PARD3B: variants seen among roughly 807,000 people sequenced by gnomAD.
PARD3B encodes par-3 family cell polarity regulator beta.
PARD3B carries 103 observed loss-of-function variants against 130.2 expected under a neutral mutation model. The observed-to-expected ratio is 0.79, with a 90% CI of 0.67 to 0.93. PARD3B has a LOEUF of 0.93. Among genes scored for constraint, PARD3B ranks in the 40% least tolerant of loss-of-function variants. PARD3B has a pLI of 0.00. For missense variants in PARD3B, 1,609 were observed against 1,499.2 expected (o/e 1.07, Z -1.21); for synonymous variants, 583 against 553.2 (o/e 1.05, Z -0.76).
At chr2:204,577,495 T>C (rs1040548103) in intron 1 of PARD3B, among the ~76,000 whole-genome samples, 2 of 152,220 alleles carry the variant, frequency 1.3e-5, no homozygotes, top group Non-Finnish European at 2.9e-5. Context: ...AATGGGGATT[T>C]GAACTGGGTC....
intron 3 of PARD3B, among the ~76,000 whole-genome samples, chr2:205,025,062 A>T (rs780705935): frequency 3.9e-5 from 6 of 152,240 alleles, no homozygotes; most frequent in South Asian, 2.1e-4. Context: ...AGCGGCACTA[A>T]AAAGGGCTGC....
rs544293031 is a variant in PARD3B, at chr2:204,958,697, C to G, written c.223-6455C>G. 6.6e-5 allele frequency among the ~76,000 whole-genome samples: 10 copies of G among 152,298 alleles called. No homozygotes were observed. The South Asian group carries it at 1.0e-3, about 16-fold the overall frequency. On this transcript the variant is annotated intron_variant, in intron 2 of 22. Coordinates refer to ENST00000406610, the MANE Select transcript of PARD3B (RefSeq NM_001302769.2). ...TTAACCTTTCATTGTGTGCCAGCCT[C>G]TATGCTCAGCATTTGGGCATGTTAG...
At chr2:204,935,978 C>T (rs1688422405) in intron 2 of PARD3B, among the ~76,000 whole-genome samples, 1 of 152,190 alleles carries the variant, frequency 6.6e-6, no homozygotes. Context: ...ACATTGTGTA[C>T]TAGGTTCTGG....
chr2:205,251,356 C>T (rs1383074376), intron 16 of PARD3B, among the ~76,000 whole-genome samples: 3 of 152,094 alleles, frequency 2.0e-5, no homozygotes, highest in Non-Finnish European at 1.5e-5. Context: ...CAAAGGCACA[C>T]GTGCAGGTGT....
intron 18 of PARD3B, among the ~76,000 whole-genome samples, chr2:205,326,100 G>T (rs750775113): frequency 3.3e-5 from 5 of 152,190 alleles, no homozygotes; most frequent in Admixed American, 6.5e-5. Context: ...TACTAACTCT[G>T]AGAGGATAAC....
At chr2:204,712,482 G>T (rs2038495696) in intron 2 of PARD3B, among the ~76,000 whole-genome samples, 1 of 151,582 alleles carries the variant, frequency 6.6e-6, no homozygotes, top group Admixed American at 6.6e-5. Context: ...GTGGTGGCAG[G>T]CCAGGCCTAT....
chr2:205,569,340 A>G (rs2053479337), intron 22 of PARD3B, among the ~76,000 whole-genome samples: 1 of 152,194 alleles, frequency 6.6e-6, no homozygotes, highest in Non-Finnish European at 1.5e-5. Flanking sequence ...ATGGTAATAT[A>G]AATCTATAAT....
chr2:205,224,681 T>A (rs2038447781), intron 15 of PARD3B, among the ~76,000 whole-genome samples: 1 of 151,948 alleles, frequency 6.6e-6, no homozygotes, highest in African/African-American at 2.4e-5. Context: ...AAAGTTTGCC[T>A]TTCTGTGCCT....
Position 204,956,746 on chromosome 2 carries a change from T to C in PARD3B, c.223-8406T>C, listed in dbSNP as rs1176380250. 1.3e-4 allele frequency among the ~76,000 whole-genome samples: 20 copies of C among 152,310 alleles called. No homozygotes were observed. The East Asian group carries it at 3.5e-3, about 26-fold the overall frequency. Reference sequence around the variant, plus strand: ...TTAACTCAAGTTTTTTATTTCCACCTTTGCATGTGTCTGGTTTTTTAAATT... The same window carrying C: ...TTAACTCAAGTTTTTTATTTCCACCCTTGCATGTGTCTGGTTTTTTAAATT... On this transcript the variant is annotated intron_variant, in intron 2 of 22. Transcript: ENST00000406610.
At chr2:205,119,702 A>T (rs979833926) in intron 7 of PARD3B, among the ~76,000 whole-genome samples, 2 of 152,014 alleles carry the variant, frequency 1.3e-5, no homozygotes, top group Admixed American at 1.3e-4. Flanking sequence ...GAATCGCTTG[A>T]ACCTGGGGGA....
At position 205,279,143 on chromosome 2, in the gene PARD3B, C is replaced by G. The variant is rs2041092320; in HGVS notation, c.2186-21387C>G. Among the ~76,000 whole-genome samples, 3 of 147,852 alleles carry G rather than the reference C, an allele frequency of 2.0e-5. No individual in the cohort carries two copies. The South Asian group carries it at 6.6e-4, about 33-fold the overall frequency. On this transcript the variant is annotated intron_variant, in intron 16 of 22. Transcript: ENST00000406610. ...CTTTAATTATTATACTAAATTTTCC[C>G]CCCAAATTTAACCTTACCTTTTAAA... is the stretch of plus-strand genomic sequence containing the variant.
intron 22 of PARD3B, among the ~76,000 whole-genome samples, chr2:205,602,932 A>G (rs972187395): frequency 1.3e-5 from 2 of 151,860 alleles, no homozygotes; most frequent in Admixed American, 6.6e-5. Context: ...TTAGTTCTCC[A>G]GTTCTTTTAA....
At chr2:204,624,190 G>A (rs1283944614) in intron 1 of PARD3B, among the ~76,000 whole-genome samples, 2 of 152,122 alleles carry the variant, frequency 1.3e-5, no homozygotes. Flanking sequence ...GGTTTAAAAA[G>A]TTGTCAAAGG....
At chr2:204,902,618 G>T (rs1274008125) in intron 2 of PARD3B, among the ~76,000 whole-genome samples, 1 of 141,788 alleles carries the variant, frequency 7.1e-6, no homozygotes, top group African/African-American at 2.7e-5. Flanking sequence ...GCAGTGAGCC[G>T]AGATCGCGCC....
intron 18 of PARD3B, among the ~76,000 whole-genome samples, chr2:205,353,149 T>A (rs2044054781): frequency 6.6e-6 from 1 of 152,092 alleles, no homozygotes; most frequent in African/African-American, 2.4e-5. Context: ...ACAAATTAAC[T>A]ATAAAGGAAA....
chr2:204,913,907 C>T (rs1373724129), intron 2 of PARD3B, among the ~76,000 whole-genome samples: 7 of 152,112 alleles, frequency 4.6e-5, no homozygotes, highest in Admixed American at 3.9e-4. Flanking sequence ...CTAAAGGCAC[C>T]GTGAAAACAT....
chr2:205,003,863 G>A (rs886412850), intron 3 of PARD3B, among the ~76,000 whole-genome samples: 6 of 152,218 alleles, frequency 3.9e-5, no homozygotes, highest in South Asian at 2.1e-4. Context: ...CAGATCTTCC[G>A]CATGCCTCCA....
At chr2:205,531,333 T>C (rs945145023) in intron 21 of PARD3B, among the ~76,000 whole-genome samples, 19 of 152,076 alleles carry the variant, frequency 1.2e-4, no homozygotes, top group African/African-American at 4.6e-4. Flanking sequence ...ATGATCTTAT[T>C]GAGCTGGACA....
chr2:205,050,160 CTAAT>C (rs1348953174), intron 4 of PARD3B, among the ~76,000 whole-genome samples: 6 of 148,832 alleles, frequency 4.0e-5, no homozygotes, highest in African/African-American at 9.8e-5. Flanking sequence ...AATTAACCAG[CTAAT>C]TAATTATTAT....
Sources: allele counts gnomAD v4.1 joint callset (sites outside exome capture counted in the v4.1 genomes callset), GRCh38; gene constraint gnomAD v4.1.1; transcripts MANE v1.5; gene names NCBI Gene and HGNC (gene_info 2026-07-23, HGNC 2026-07-21).